Variants in CD96 observed in about 807,000 individuals in gnomAD.
CD96 encodes CD96 molecule.
A neutral mutation model predicts 71.3 loss-of-function variants in CD96; 70 were observed. The observed-to-expected ratio is 0.98, with a 90% CI of 0.81 to 1.20. The LOEUF (loss-of-function observed/expected upper bound fraction) is 1.20, where lower values mean the gene tolerates loss of function less well. Among genes scored for constraint, CD96 ranks in the 50% most tolerant of loss-of-function variants. CD96 has a pLI of 0.00. For synonymous variants in CD96, 248 were observed against 233.0 expected, an observed-to-expected ratio of 1.06 and a Z score of -0.59; for missense variants, 742 against 677.5, an observed-to-expected ratio of 1.10 and a Z score of -1.06.
At chr3:111,600,380 C>T (rs1009873890) in intron 6 of CD96, among the ~76,000 whole-genome samples, 1 of 152,204 alleles carries the variant, frequency 6.6e-6, no homozygotes, top group African/African-American at 2.4e-5. Context: ...TCCCAAGATC[C>T]GACCTAGACT....
intron 7 of CD96, among the ~76,000 whole-genome samples, chr3:111,602,666 A>G (rs771978836): frequency 1.8e-4 from 27 of 152,266 alleles, no homozygotes; most frequent in Middle Eastern, 6.8e-3. Flanking sequence ...TTACTTCCAC[A>G]CAGGCTGTCT....
At chr3:111,663,917 T>C (rs577676097) in intron 14 of CD96, among the ~76,000 whole-genome samples, 4 of 152,036 alleles carry the variant, frequency 2.6e-5, no homozygotes, top group African/African-American at 9.7e-5. Flanking sequence ...CGCCCAGAAA[T>C]TTTTTTGTAT....
intron 4 of CD96, among the ~76,000 whole-genome samples, chr3:111,580,406 T>C (rs1936412167): frequency 6.6e-6 from 1 of 152,158 alleles, no homozygotes; most frequent in Non-Finnish European, 1.5e-5. Flanking sequence ...GATCTGTGTT[T>C]TTTAGAAAGT....
At chr3:111,580,419 A>G (rs1039145564) in intron 4 of CD96, among the ~76,000 whole-genome samples, 72 of 151,752 alleles carry the variant, frequency 4.7e-4, no homozygotes, top group Admixed American at 6.6e-4. Context: ...TAGAAAGTCA[A>G]TTTTAAAGAA....
intron 5 of CD96, among the ~76,000 whole-genome samples, chr3:111,596,161 C>CA (rs11419938): frequency 0.48 from 67,697 of 141,988 alleles, 18,322 homozygotes; most frequent in Non-Finnish European, 0.61. Flanking sequence ...GACTCTGTCT[C>CA]AAAAAAATAA....
At chr3:111,574,896 ACCT>A (rs1205103477) in intron 3 of CD96, among the ~76,000 whole-genome samples, 6 of 150,994 alleles carry the variant, frequency 4.0e-5, no homozygotes, top group Admixed American at 4.0e-4. Context: ...TGATCCTCCC[ACCT>A]CAGCCTCCCA....
chr3:111,648,213 C>T (rs941779217), intron 13 of CD96, among the ~76,000 whole-genome samples: 6 of 152,136 alleles, frequency 3.9e-5, no homozygotes, highest in Admixed American at 2.0e-4. Context: ...CTTCTCCAAT[C>T]GGCAGTCTGA....
intron 3 of CD96, among the ~76,000 whole-genome samples, chr3:111,567,894 T>C (rs1935796797): frequency 6.6e-6 from 1 of 152,200 alleles, no homozygotes; most frequent in Non-Finnish European, 1.5e-5. Flanking sequence ...TTTACTTCTA[T>C]CTATATACCA....
chr3:111,548,258 C>G (rs1468331563), intron 2 of CD96, among the ~76,000 whole-genome samples: 2 of 152,144 alleles, frequency 1.3e-5, no homozygotes, highest in African/African-American at 2.4e-5. Flanking sequence ...GAGTCATTCT[C>G]TCTTGTCTGC....
chr3:111,564,933 C>A (rs908640445), intron 2 of CD96, among the ~76,000 whole-genome samples: 1 of 152,134 alleles, frequency 6.6e-6, no homozygotes, highest in Non-Finnish European at 1.5e-5. Context: ...TATTTGATTT[C>A]TCTTAGTGGA....
chr3:111,598,851 C>T (rs1048972215), intron 6 of CD96, among the ~76,000 whole-genome samples: 7 of 152,238 alleles, frequency 4.6e-5, no homozygotes, highest in Non-Finnish European at 1.0e-4. Context: ...ATAATCTCAG[C>T]TGTCCCTGCC....
intron 2 of CD96, among the ~76,000 whole-genome samples, chr3:111,558,104 G>C (rs1255050875): frequency 1.2e-4 from 18 of 144,642 alleles, no homozygotes; most frequent in Non-Finnish European, 2.4e-4. Context: ...AGGAGATTTT[G>C]GGCTGAGACA....
intron 10 of CD96, among the ~76,000 whole-genome samples, chr3:111,629,815 C>T (rs1938968268): frequency 6.6e-6 from 1 of 152,154 alleles, no homozygotes; most frequent in Non-Finnish European, 1.5e-5. Context: ...ATAACAAAGT[C>T]TCTCAGACCA....
Position 111,624,322 on chromosome 3 carries a change from TTG to T in CD96, c.1250-9_1250-8del. On this transcript the variant is annotated splice_polypyrimidine_tract_variant and intron_variant, in intron 9 of 13. Coordinates refer to ENST00000352690, the MANE Select transcript of CD96 (RefSeq NM_005816.5). Reference sequence around the variant, plus strand: ...AAAAAGCTGGATTCTGAAAATAATTTTGTCTTTCAGCCAGCAATTCCAGTATG... The same window carrying T: ...AAAAAGCTGGATTCTGAAAATAATTTTCTTTCAGCCAGCAATTCCAGTATG... 1 of 1,592,766 alleles carries T rather than the reference TTG, an allele frequency of 6.3e-7. No homozygotes were observed. Among genetic ancestry groups the T allele is most frequent in the Non-Finnish European group, 8.6e-7 (1 of 1,160,672 alleles).
At chr3:111,600,523 A>G (rs1937445107) in intron 6 of CD96, among the ~76,000 whole-genome samples, 1 of 152,240 alleles carries the variant, frequency 6.6e-6, no homozygotes, top group Admixed American at 6.5e-5. Flanking sequence ...TACCCTGACC[A>G]TGGATCAATG....
rs147323385 is a variant in CD96 at position 111,649,130 on chromosome 3, T to C, written c.1602-568T>C. 4.6e-5 allele frequency among the ~76,000 whole-genome samples: 7 copies of C among 152,344 alleles called. No individual in the cohort carries two copies. The East Asian group carries it at 1.3e-3, about 29-fold the overall frequency. On this transcript the variant is annotated intron_variant, in intron 13 of 13. Transcript: ENST00000352690. ...GGGGCTAGGGTTAGCAAAGAGGCTG[T>C]ATGAAAAGCTTCAGTCTTAAATCCT...
At chr3:111,658,422 G>T (rs528529185) in intron 14 of CD96, among the ~76,000 whole-genome samples, 3 of 152,286 alleles carry the variant, frequency 2.0e-5, no homozygotes, top group South Asian at 4.1e-4. Context: ...TAAGAAATAC[G>T]AAGGGAGTGC....
chr3:111,610,774 G>C (rs1937881199), intron 8 of CD96, among the ~76,000 whole-genome samples: 1 of 152,210 alleles, frequency 6.6e-6, no homozygotes, highest in Non-Finnish European at 1.5e-5. Flanking sequence ...GGGTGGGGCT[G>C]TACAGACACA....
intron 2 of CD96, among the ~76,000 whole-genome samples, chr3:111,551,097 G>C (rs1014675670): frequency 6.6e-6 from 1 of 152,148 alleles, no homozygotes; most frequent in Non-Finnish European, 1.5e-5. Flanking sequence ...AAAAAGTAGA[G>C]TGATTAACTC....
Sources: allele counts gnomAD v4.1 joint callset (sites outside exome capture counted in the v4.1 genomes callset), GRCh38; gene constraint gnomAD v4.1.1; transcripts MANE v1.5; gene names NCBI Gene and HGNC (gene_info 2026-07-23, HGNC 2026-07-21).